ATP6V1E2: variants seen among roughly 807,000 people sequenced by gnomAD.
The protein encoded by ATP6V1E2 is V-type proton ATPase subunit E 2.
For synonymous variants in ATP6V1E2, 121 were observed against 104.2 expected (o/e 1.16, Z -0.98); for missense variants, 308 against 273.3 (o/e 1.13, Z -0.90).
chr2:46,518,490 A>AACACACACACACAC (rs10546147), intron 4 of ATP6V1E2, among the ~76,000 whole-genome samples: 1,532 of 140,956 alleles, frequency 0.011, 16 homozygotes, highest in Middle Eastern at 0.026. Flanking sequence ...ACACACACAC[A>AACACACACACACAC]ACACACACAC....
At chr2:46,520,842 TG>T (rs1360981099) in intron 4 of ATP6V1E2, among the ~76,000 whole-genome samples, 1 of 152,030 alleles carries the variant, frequency 6.6e-6, no homozygotes, top group Non-Finnish European at 1.5e-5. Context: ...GGCTTGGGGA[TG>T]GAAGGGAGGC....
At position 46,512,733 on chromosome 2, in the gene ATP6V1E2, C is replaced by T. The variant is rs1316963795; in HGVS notation, c.-22G>A. The T allele has an allele frequency of 2.2e-5, 35 of 1,589,882 alleles. No homozygotes were observed. The highest frequency in any genetic ancestry group is 2.9e-5 in the Non-Finnish European group (34 of 1,170,038). ...CCATGGCTGCTCTCAGAGGGGACGGCAGAGAGGGAGCTCGTACACCGTTTG... is the reference window on the plus strand; with the variant it reads ...CCATGGCTGCTCTCAGAGGGGACGGTAGAGAGGGAGCTCGTACACCGTTTG... On this transcript the variant is annotated 5_prime_UTR_variant, in exon 5 of 5. Coordinates refer to ENST00000522587, the MANE Select transcript of ATP6V1E2 (RefSeq NM_001318063.2).
At chr2:46,529,926 G>A (rs1667106613) in intron 4 of ATP6V1E2, among the ~76,000 whole-genome samples, 2 of 152,170 alleles carry the variant, frequency 1.3e-5, no homozygotes, top group Non-Finnish European at 2.9e-5. Flanking sequence ...GAACGTCAGG[G>A]TGATGCAGTG....
At position 46,512,385 on chromosome 2, in the gene ATP6V1E2, T is replaced by TG. The variant is rs778742921; in HGVS notation, c.326dup (p.Glu110ArgfsTer9). The stretch of plus-strand genomic sequence containing the variant: ...TATCCAGCAGCCCCTGGTAGACCTC[T>TG]GGGTCCTCCACAATCCTGCTGAGTC... On this transcript the variant is annotated frameshift_variant, in exon 5 of 5. Transcript: ENST00000522587. LOFTEE classifies it low-confidence loss of function (END_TRUNC). 1.9e-6 allele frequency: 3 copies of TG among 1,614,194 alleles called. No individual in the cohort carries two copies. The East Asian group carries it at 6.7e-5, about 36-fold the overall frequency.
intron 4 of ATP6V1E2, among the ~76,000 whole-genome samples, chr2:46,527,424 T>G (rs533806939): frequency 6.6e-6 from 1 of 152,182 alleles, no homozygotes; most frequent in Non-Finnish European, 1.5e-5. Context: ...GGTTTCACCA[T>G]GTTAGCCAGG....
chr2:46,518,084 G>A (rs1666374256), intron 4 of ATP6V1E2, among the ~76,000 whole-genome samples: 1 of 152,278 alleles, frequency 6.6e-6, no homozygotes, highest in South Asian at 2.1e-4. Flanking sequence ...AAATAGCCAA[G>A]AGGTAGAAAC....
intron 2 of ATP6V1E2, among the ~76,000 whole-genome samples, chr2:46,540,455 GAA>G (rs1667681262): frequency 4.6e-5 from 6 of 130,652 alleles, no homozygotes; most frequent in Admixed American, 1.5e-4. Flanking sequence ...AAAAAAGAAA[GAA>G]AAAGAAAAAG....
At chr2:46,533,236 TAG>T (rs1667275599) in intron 4 of ATP6V1E2, among the ~76,000 whole-genome samples, 1 of 151,154 alleles carries the variant, frequency 6.6e-6, no homozygotes, top group Non-Finnish European at 1.5e-5. Context: ...GATAGATAGA[TAG>T]ATAGATAGAT....
At chr2:46,527,668 G>A (rs531420538) in intron 4 of ATP6V1E2, among the ~76,000 whole-genome samples, 7 of 152,200 alleles carry the variant, frequency 4.6e-5, no homozygotes, top group South Asian at 2.1e-4. Flanking sequence ...GCCTGGTCCT[G>A]GGTTTGTTGT....
chr2:46,519,880 A>G (rs942645539), intron 4 of ATP6V1E2: 12 of 152,200 alleles, frequency 7.9e-5, no homozygotes, highest in East Asian at 1.9e-4. Flanking sequence ...TCCACTCACT[A>G]AAGTGGAAAC....
At chr2:46,540,039 CA>C (rs572054497) in intron 2 of ATP6V1E2, among the ~76,000 whole-genome samples, 118 of 152,224 alleles carry the variant, frequency 7.8e-4, no homozygotes, top group African/African-American at 2.5e-3. Context: ...TAACAGACCT[CA>C]ATAAATGCTT....
At chr2:46,539,925 T>C (rs1356100172) in intron 2 of ATP6V1E2, among the ~76,000 whole-genome samples, 1 of 152,220 alleles carries the variant, frequency 6.6e-6, no homozygotes, top group East Asian at 1.9e-4. Context: ...GCTCACACTA[T>C]AGAGTGCTTT....
chr2:46,512,489 T>G lies in ATP6V1E2; in HGVS notation c.223A>C (p.Met75Leu), dbSNP rs528330241. The change falls in exon 5 of 5, where the codon ATG becomes CTG. Residue 75 changes from methionine (M) to leucine (L), a missense_variant. Transcript: ENST00000522587. Reference protein sequence around the residue: ...EQQKKILMSTMRNQARLKVLR... With the variant: ...EQQKKILMSTLRNQARLKVLR... ...ACTTTCAGCCTCGCCTGATTCCTCATGGTGGACATCAGGATTTTCTTCTGC... is the reference window on the plus strand; with the variant it reads ...ACTTTCAGCCTCGCCTGATTCCTCAGGGTGGACATCAGGATTTTCTTCTGC... 2.2e-5 allele frequency: 36 copies of G among 1,614,230 alleles called. No homozygotes were observed. In the East Asian group the frequency reaches 6.2e-4, roughly 28 times the overall value.
At chr2:46,527,994 C>T (rs1194368448) in intron 4 of ATP6V1E2, 1 of 152,198 alleles carries the variant, frequency 6.6e-6, no homozygotes, top group African/African-American at 2.4e-5. Context: ...TGGGTGTCTC[C>T]AAGTGTGAAC....
chr2:46,520,927 A>G (rs6746695), intron 4 of ATP6V1E2, among the ~76,000 whole-genome samples: 9,549 of 152,206 alleles, frequency 0.063, 837 homozygotes, highest in African/African-American at 0.2. Context: ...TGAAACGGCA[A>G]TGTCTGGCTT....
chr2:46,540,576 A>G (rs1667692411), intron 2 of ATP6V1E2, among the ~76,000 whole-genome samples: 1 of 147,160 alleles, frequency 6.8e-6, no homozygotes, highest in South Asian at 2.2e-4. Flanking sequence ...AGTGCTTTCT[A>G]TCTCCAATCC....
intron 4 of ATP6V1E2, among the ~76,000 whole-genome samples, chr2:46,516,008 C>T (rs906007267): frequency 2.0e-5 from 3 of 152,166 alleles, no homozygotes; most frequent in Non-Finnish European, 4.4e-5. Context: ...TACCCAACAT[C>T]AGAGCACCCA....
chr2:46,532,609 T>C (rs568575953), intron 4 of ATP6V1E2, among the ~76,000 whole-genome samples: 7 of 152,320 alleles, frequency 4.6e-5, no homozygotes, highest in African/African-American at 1.7e-4. Flanking sequence ...ATGGGATTAG[T>C]GCCCTTATAA....
intron 2 of ATP6V1E2, among the ~76,000 whole-genome samples, chr2:46,537,990 A>G (rs1054733568): frequency 6.6e-6 from 1 of 152,162 alleles, no homozygotes; most frequent in Non-Finnish European, 1.5e-5. Context: ...AAAAAAAAGT[A>G]GATGAAATCA....
Sources: gnomAD v4.1 joint callset for allele counts (sites outside exome capture counted in the v4.1 genomes callset) on GRCh38, gnomAD v4.1.1 for gene constraint, MANE v1.5 for transcripts, NCBI Gene and HGNC (gene_info 2026-07-23, HGNC 2026-07-21) for gene names.